Variants in TPO observed in about 807,000 individuals in gnomAD.
The protein encoded by TPO is thyroid peroxidase.
Under a neutral mutation model 96.9 loss-of-function variants are expected in TPO, and 78 were observed. The ratio of observed to expected loss-of-function variants is 0.81; its 90% CI spans 0.67 to 0.97. The LOEUF is 0.97. TPO is among the 50% of genes least tolerant of loss of function. The pLI, the probability that TPO is intolerant of heterozygous loss-of-function variation, is 0.00. For synonymous variants in TPO, 547 were observed against 538.0 expected, an observed-to-expected ratio of 1.02 and a Z score of -0.23; for missense variants, 1,252 against 1,274.8, an observed-to-expected ratio of 0.98 and a Z score of 0.27.
At chr2:1,526,790 A>ATG (rs1676626094) in intron 15 of TPO, among the ~76,000 whole-genome samples, 1 of 10,418 alleles carries the variant, frequency 9.6e-5, no homozygotes, top group Non-Finnish European at 1.9e-4. Context: ...CCCCCAATCT[A>ATG]TGCAACCTCC....
At chr2:1,431,081 T>C (rs185633117) in intron 3 of TPO, among the ~76,000 whole-genome samples, 253 of 151,494 alleles carry the variant, frequency 1.7e-3, no homozygotes, top group African/African-American at 5.7e-3. Flanking sequence ...TGTAGATGCT[T>C]TTCCCCCTTA....
At chr2:1,443,592 C>A (rs960656181) in intron 5 of TPO, among the ~76,000 whole-genome samples, 3 of 135,052 alleles carry the variant, frequency 2.2e-5, no homozygotes, top group Admixed American at 7.7e-5. Context: ...TTTGTATGAT[C>A]CAGTCATTGC....
chr2:1,434,862 C>T (rs1665401202), intron 4 of TPO, among the ~76,000 whole-genome samples: 1 of 152,196 alleles, frequency 6.6e-6, no homozygotes, highest in Non-Finnish European at 1.5e-5. Flanking sequence ...CATTAAAGGT[C>T]AGTGCCTGTC....
At chr2:1,512,936 T>A (rs894333414) in intron 14 of TPO, among the ~76,000 whole-genome samples, 50 of 152,226 alleles carry the variant, frequency 3.3e-4, no homozygotes, top group African/African-American at 1.2e-3. Context: ...ATGCTGGGCA[T>A]GACCTTTCTG....
At chr2:1,498,741 G>T (rs1672595771) in intron 13 of TPO, among the ~76,000 whole-genome samples, 1 of 152,212 alleles carries the variant, frequency 6.6e-6, no homozygotes, top group Non-Finnish European at 1.5e-5. Flanking sequence ...GATGACATCT[G>T]TGTAAACTCG....
intron 16 of TPO, chr2:1,542,163 T>C (rs1680838897): frequency 1.7e-6 from 1 of 588,132 alleles, no homozygotes; most frequent in Non-Finnish European, 3.0e-6. Flanking sequence ...TGAAGGACCC[T>C]GCCTGCGGAT....
chr2:1,509,237 T>A (rs1404904254), intron 14 of TPO, among the ~76,000 whole-genome samples: 1 of 152,254 alleles, frequency 6.6e-6, no homozygotes. Context: ...TTGATTGCAC[T>A]GTGGTCGGAG....
intron 15 of TPO, among the ~76,000 whole-genome samples, chr2:1,524,439 TC>T (rs1362509110): frequency 1.2e-4 from 1 of 8,140 alleles, no homozygotes; most frequent in Non-Finnish European, 2.3e-4. Context: ...CCCCCCCAAA[TC>T]CCCCCACTGT....
intron 16 of TPO, chr2:1,541,512 A>G (rs2125358854): frequency 6.5e-6 from 1 of 153,006 alleles, no homozygotes; most frequent in Admixed American, 6.5e-5. Flanking sequence ...GCTCACCACC[A>G]TGCCTGGCTA....
intron 4 of TPO, 91 bp from the exon 5 acceptor site, chr2:1,436,161 T>G (rs551013956): frequency 6.2e-7 from 1 of 1,602,308 alleles, no homozygotes; most frequent in Non-Finnish European, 8.5e-7. Context: ...CAAATTCAGA[T>G]GCTGGAGTCA....
chr2:1,513,471 C>G (rs1247522977), intron 14 of TPO: 2 of 152,264 alleles, frequency 1.3e-5, no homozygotes, highest in African/African-American at 4.8e-5. Context: ...GATGCCAAGG[C>G]CTGGAAGATG....
chr2:1,488,127 G>A (rs1250856586), intron 10 of TPO, 136 bp downstream of exon 10: 2 of 1,269,000 alleles, frequency 1.6e-6, no homozygotes, highest in Non-Finnish European at 2.2e-6. Context: ...GCTCTTAAAG[G>A]GCTCCAGTTC....
chr2:1,540,472 G>C, intron 15 of TPO, 122 bp from the exon 16 acceptor site: 1 of 1,593,278 alleles, frequency 6.3e-7, no homozygotes, highest in Non-Finnish European at 8.5e-7. Context: ...AATGAAAGTG[G>C]GTTGGAGTGT....
intron 2 of TPO, among the ~76,000 whole-genome samples, chr2:1,420,119 G>T (rs1331926078): frequency 1.3e-5 from 2 of 152,120 alleles, no homozygotes; most frequent in Non-Finnish European, 2.9e-5. Flanking sequence ...CTAATAATCT[G>T]CAAGCCTATA....
chr2:1,434,662 G>A (rs1032966862), intron 4 of TPO, among the ~76,000 whole-genome samples: 10 of 152,224 alleles, frequency 6.6e-5, no homozygotes, highest in African/African-American at 2.4e-4. Flanking sequence ...GCTCACTGCC[G>A]GGTCTGTAGA....
At chr2:1,467,328 T>C (rs1668994947) in intron 7 of TPO, among the ~76,000 whole-genome samples, 1 of 152,068 alleles carries the variant, frequency 6.6e-6, no homozygotes, top group African/African-American at 2.4e-5. Flanking sequence ...TGGTCTTGAA[T>C]TCCTGGTCTC....
intron 7 of TPO, 57 bp from the exon 8 acceptor site, chr2:1,477,029 G>A: frequency 6.4e-7 from 1 of 1,563,486 alleles, no homozygotes; most frequent in Non-Finnish European, 8.6e-7. Context: ...AACTTCCAGA[G>A]TCTTACAAAG....
At chr2:1,383,219 A>C (rs1225878361) in intron 1 of TPO, among the ~76,000 whole-genome samples, 1 of 152,130 alleles carries the variant, frequency 6.6e-6, no homozygotes, top group Non-Finnish European at 1.5e-5. Flanking sequence ...AGCATGATTT[A>C]TATTCCTTTG....
intron 14 of TPO, among the ~76,000 whole-genome samples, chr2:1,510,241 C>T (rs777366412): frequency 6.7e-6 from 1 of 150,254 alleles, no homozygotes; most frequent in Admixed American, 6.6e-5. Flanking sequence ...CTGCCACATT[C>T]ACAGAGAGGA....
Sources: allele counts gnomAD v4.1 joint callset (sites outside exome capture counted in the v4.1 genomes callset), GRCh38; gene constraint gnomAD v4.1.1; transcripts MANE v1.5; gene names NCBI Gene and HGNC (gene_info 2026-07-23, HGNC 2026-07-21).